The following CROCC2 variants were observed in gnomAD, a reference collection of about 807,000 sequenced individuals.
The protein encoded by CROCC2 is ciliary rootlet coiled-coil protein 2.
Under a neutral mutation model 177.6 loss-of-function variants are expected in CROCC2, and 163 were observed. The observed-to-expected ratio is 0.92, with a 90% CI of 0.81 to 1.05. The LOEUF (loss-of-function observed/expected upper bound fraction) is 1.05. CROCC2 is among the 50% of genes least tolerant of loss of function. The pLI is 0.00. For synonymous variants in CROCC2, 904 were observed against 787.3 expected (o/e 1.15, Z -2.48); for missense variants, 1,929 against 1,797.8 (o/e 1.07, Z -1.32).
chr2:240,967,665 C>A, intron 26 of CROCC2, 200 bp downstream of exon 26: 1 of 805,702 alleles, frequency 1.2e-6, no homozygotes, highest in Non-Finnish European at 1.5e-6. Flanking sequence ...GCGACTTCCC[C>A]AGCACAGAGG....
chr2:240,953,033 A>G lies in CROCC2; in HGVS notation c.2829+2523A>G, dbSNP rs1441570823. Among the ~76,000 whole-genome samples, 1 of 152,102 alleles carries G rather than the reference A, an allele frequency of 6.6e-6. No homozygotes were observed. Among genetic ancestry groups the G allele is most frequent in the Non-Finnish European group, 1.5e-5 (1 of 68,012 alleles). On this transcript the variant is annotated intron_variant, in intron 18 of 31. Coordinates refer to ENST00000690015, the MANE Select transcript of CROCC2 (RefSeq NM_001351305.2). This position sits in a 1 kb window ranked among gnomAD's most constrained non-coding sequence, Gnocchi z 4.0. ...CCCTCATTCCCATCCGAGACCAACCACTGGGCAACGTGGCCTGTTCTCATG... is the reference window on the plus strand; with the variant it reads ...CCCTCATTCCCATCCGAGACCAACCGCTGGGCAACGTGGCCTGTTCTCATG...
chr2:240,968,709 G>C (rs150730118), intron 27 of CROCC2, among the ~76,000 whole-genome samples: 36 of 152,360 alleles, frequency 2.4e-4, no homozygotes, highest in Admixed American at 6.5e-4. Context: ...ATTCCATGTG[G>C]CTCAGACACA....
At chr2:240,963,853 G>A in intron 21 of CROCC2, 80 bp downstream of exon 21, 1 of 1,430,294 alleles carries the variant, frequency 7.0e-7, no homozygotes, top group Non-Finnish European at 9.5e-7. Flanking sequence ...TGGGGCAAGG[G>A]GGCTAGGCAG....
At chr2:240,933,901 C>A in intron 11 of CROCC2, 49 bp downstream of exon 11, 1 of 1,508,404 alleles carries the variant, frequency 6.6e-7, no homozygotes, top group Non-Finnish European at 8.9e-7. Context: ...AGAAGAGACC[C>A]CACTCTGCCA....
chr2:240,945,128 G>T (rs374551098), intron 14 of CROCC2, among the ~76,000 whole-genome samples: 12 of 152,198 alleles, frequency 7.9e-5, no homozygotes, highest in African/African-American at 2.6e-4. Flanking sequence ...GTAGAGACGG[G>T]GTTTCACCAT....
In CROCC2 at chr2:240,949,624, G is replaced by A; in HGVS notation, c.2574G>A (p.Gln858=). 2 of 1,550,496 alleles carry A rather than the reference G, an allele frequency of 1.3e-6. No individual in the cohort carries two copies. ...GGCTCCAGCGACAGGTGGCACAGCA[G>A]GAGCGGGAGGCACAGCGGGCCCTGG... is the stretch of plus-strand genomic sequence containing the variant. ...TVRLQRQVAQ[Q]EREAQRALES... The change falls in exon 17 of 32, where the codon CAG becomes CAA. Residue 858 remains glutamine, a synonymous_variant. Transcript: ENST00000690015. The surrounding 1 kb of genome is among the most constrained non-coding windows in gnomAD (Gnocchi z 4.5).
In CROCC2 at chr2:240,949,826, C is replaced by T. The variant is rs912814748; in HGVS notation, c.2652+124C>T. Reference sequence around the variant, plus strand: ...CAGAGACATAGGCGCCTGGCCAGGGCTGGGCAAGGACCAGCTCACTCTTTA... The same window carrying T: ...CAGAGACATAGGCGCCTGGCCAGGGTTGGGCAAGGACCAGCTCACTCTTTA... On this transcript the variant is annotated intron_variant, in intron 17 of 31. Coordinates refer to ENST00000690015, the MANE Select transcript of CROCC2 (RefSeq NM_001351305.2). This position sits in a 1 kb window ranked among gnomAD's most constrained non-coding sequence, Gnocchi z 4.5. 3.9e-6 allele frequency: 4 copies of T among 1,027,498 alleles called. No individual in the cohort carries two copies. Among genetic ancestry groups the T allele is most frequent in the Non-Finnish European group, 4.2e-6 (3 of 714,282 alleles). The allele number at this position is 1,027,498 out of a possible 1,614,324, so 63.6% of individuals were successfully genotyped here.
intron 5 of CROCC2, among the ~76,000 whole-genome samples, chr2:240,929,858 G>A (rs575757996): frequency 6.6e-6 from 1 of 152,266 alleles, no homozygotes; most frequent in East Asian, 1.9e-4. Flanking sequence ...GGGGAGCCGC[G>A]ACTGAGTCAG....
At chr2:240,954,250 A>G (rs2059575528) in intron 18 of CROCC2, among the ~76,000 whole-genome samples, 2 of 152,190 alleles carry the variant, frequency 1.3e-5, no homozygotes, top group Non-Finnish European at 2.9e-5. Flanking sequence ...TGCCCATGCA[A>G]TTCTGACCCA....
chr2:240,973,291 G>A lies in CROCC2; in HGVS notation c.4401+5029G>A, dbSNP rs190477004. Among the ~76,000 whole-genome samples, 24 of 152,264 alleles carry A rather than the reference G, an allele frequency of 1.6e-4. No homozygotes were observed. The highest frequency in any genetic ancestry group is 6.8e-3 in the Middle Eastern group (2 of 294). ...ACCCTGGGAATTCAATAGAACAGCCGTGCAGGACCAGCCCGTGGTGTCAGG... is the reference window on the plus strand; with the variant it reads ...ACCCTGGGAATTCAATAGAACAGCCATGCAGGACCAGCCCGTGGTGTCAGG... On this transcript the variant is annotated intron_variant, in intron 27 of 31. Coordinates refer to ENST00000690015, the MANE Select transcript of CROCC2 (RefSeq NM_001351305.2). The surrounding 1 kb of genome is among the most constrained non-coding windows in gnomAD (Gnocchi z 4.7).
intron 14 of CROCC2, among the ~76,000 whole-genome samples, chr2:240,941,913 G>GCTTGCAGCATCATT (rs771095602): frequency 9.1e-4 from 139 of 152,280 alleles, no homozygotes; most frequent in Non-Finnish European, 1.5e-3. Context: ...TATGAAAGGG[G>GCTTGCAGCATCATT]CTTGCAGCAT....
chr2:240,928,945 A>G (rs1177863356), intron 5 of CROCC2, among the ~76,000 whole-genome samples: 1 of 142,840 alleles, frequency 7.0e-6, no homozygotes, highest in African/African-American at 2.7e-5. Context: ...GGCTCAGAGG[A>G]GCATGCCCTC....
chr2:240,911,445 A>G (rs114491530), intron 1 of CROCC2, among the ~76,000 whole-genome samples: 1 of 151,976 alleles, frequency 6.6e-6, no homozygotes, highest in Non-Finnish European at 1.5e-5. Flanking sequence ...CTACAGGCAC[A>G]CGCCACCATG....
At chr2:240,920,929 T>A (rs2059353971) in intron 3 of CROCC2, among the ~76,000 whole-genome samples, 1 of 152,162 alleles carries the variant, frequency 6.6e-6, no homozygotes, top group Non-Finnish European at 1.5e-5. Flanking sequence ...GCCCACCTTG[T>A]GGGGTACTCA....
At position 240,973,231 on chromosome 2, in the gene CROCC2, T is replaced by C. The variant is rs1462187118; in HGVS notation, c.4401+4969T>C. Among the ~76,000 whole-genome samples, 7 of 152,236 alleles carry C rather than the reference T, an allele frequency of 4.6e-5. No individual in the cohort carries two copies. Among genetic ancestry groups the C allele is most frequent in the Non-Finnish European group, 8.8e-5 (6 of 68,030 alleles). On this transcript the variant is annotated intron_variant, in intron 27 of 31. Coordinates refer to ENST00000690015, the MANE Select transcript of CROCC2 (RefSeq NM_001351305.2). This position sits in a 1 kb window ranked among gnomAD's most constrained non-coding sequence, Gnocchi z 4.7. ...TGTGCTATGCAAACAGTAAGATTCT[T>C]GTTTGAGAGCAAATCCCTCCCCGTT...
intron 7 of CROCC2, 96 bp downstream of exon 7, chr2:240,931,224 C>T (rs2059429266): frequency 3.2e-6 from 2 of 617,170 alleles, no homozygotes; most frequent in Admixed American, 2.6e-5. Context: ...GATGTGGTCA[C>T]ACCGTTCCAG....
chr2:240,954,637 T>C (rs2059578888), intron 18 of CROCC2: 1 of 152,242 alleles, frequency 6.6e-6, no homozygotes, highest in Non-Finnish European at 1.5e-5. Context: ...CAGAGTTTTA[T>C]TGGGGTTTCA....
chr2:240,926,401 C>G (rs994435040), intron 5 of CROCC2, among the ~76,000 whole-genome samples: 22 of 152,218 alleles, frequency 1.4e-4, no homozygotes, highest in African/African-American at 5.3e-4. Context: ...GTGTTCATGC[C>G]CTGCTCGGAT....
intron 21 of CROCC2, chr2:240,964,263 CA>C: frequency 1.6e-6 from 1 of 623,466 alleles, no homozygotes; most frequent in Non-Finnish European, 2.9e-6. Context: ...GGATAGTGGA[CA>C]GGGGCCATGC....
Sources: allele counts gnomAD v4.1 joint callset (sites outside exome capture counted in the v4.1 genomes callset), GRCh38; gene constraint gnomAD v4.1.1; non-coding constraint Gnocchi (gnomAD v3.1); transcripts MANE v1.5; gene names NCBI Gene and HGNC (gene_info 2026-07-23, HGNC 2026-07-21).